Variants in RBPMS observed in about 807,000 individuals in gnomAD.
RBPMS encodes RNA binding protein, mRNA processing factor, also known as RNA-binding protein with multiple splicing.
Under a neutral mutation model 26.8 loss-of-function variants are expected in RBPMS, and 7 were observed. The observed-to-expected ratio is 0.26, with a 90% CI of 0.15 to 0.49. The LOEUF (loss-of-function observed/expected upper bound fraction) is 0.49, where lower values mean the gene tolerates loss of function less well. RBPMS is among the 20% of genes least tolerant of loss of function. RBPMS has a pLI of 0.98. For missense variants in RBPMS, 186 were observed against 250.0 expected (o/e 0.74, Z 1.73); for synonymous variants, 96 against 93.3 (o/e 1.03, Z -0.17).
intron 6 of RBPMS, chr8:30,555,991 A>C: frequency 2.0e-6 from 2 of 985,354 alleles, no homozygotes; most frequent in Non-Finnish European, 2.4e-6. Flanking sequence ...AACCTGGATG[A>C]GCCGCTCAGA....
chr8:30,429,736 A>G (rs1811727979), intron 1 of RBPMS, among the ~76,000 whole-genome samples: 5 of 152,182 alleles, frequency 3.3e-5, no homozygotes, highest in Admixed American at 1.3e-4. Flanking sequence ...CAGCCCAATA[A>G]ATTGTGCTAT....
chr8:30,523,465 A>G (rs1823264562), intron 5 of RBPMS, among the ~76,000 whole-genome samples: 2 of 151,698 alleles, frequency 1.3e-5, no homozygotes, highest in South Asian at 4.2e-4. Context: ...ATGAGATAAT[A>G]TACTTTAAAA....
At chr8:30,419,450 A>ATGTG (rs71278690) in intron 1 of RBPMS, among the ~76,000 whole-genome samples, 1,830 of 143,216 alleles carry the variant, frequency 0.013, 21 homozygotes, top group East Asian at 0.029. Flanking sequence ...CATCTCAAAA[A>ATGTG]TGTGTGTGTG....
intron 5 of RBPMS, among the ~76,000 whole-genome samples, chr8:30,543,787 C>G (rs1825632698): frequency 6.6e-6 from 1 of 152,168 alleles, no homozygotes; most frequent in Admixed American, 6.5e-5. Context: ...TTAGACCAGG[C>G]ACTTGGCAAT....
chr8:30,480,789 A>G (rs1277854722), intron 4 of RBPMS, among the ~76,000 whole-genome samples: 2 of 152,248 alleles, frequency 1.3e-5, no homozygotes, highest in African/African-American at 4.8e-5. Context: ...ATGACACTTT[A>G]AACTTAAAAG....
intron 1 of RBPMS, chr8:30,387,180 AAAGT>A (rs1382337981): frequency 1.3e-5 from 2 of 152,142 alleles, no homozygotes; most frequent in African/African-American, 4.8e-5. Context: ...TGTTATGTAA[AAAGT>A]AAGGGGACAC....
chr8:30,540,221 GAGGGAGC>G (rs1825239242), intron 5 of RBPMS, among the ~76,000 whole-genome samples: 2 of 152,226 alleles, frequency 1.3e-5, no homozygotes, highest in Admixed American at 1.3e-4. Context: ...GCCTCTGGCA[GAGGGAGC>G]AGTGTGTGGG....
chr8:30,542,812 G>A (rs11998504), intron 5 of RBPMS, among the ~76,000 whole-genome samples: 2 of 152,244 alleles, frequency 1.3e-5, no homozygotes, highest in South Asian at 4.1e-4. Context: ...CATCACAACA[G>A]GAAGCACAGG....
chr8:30,544,028 C>T (rs1223346122), intron 5 of RBPMS, among the ~76,000 whole-genome samples: 2 of 152,196 alleles, frequency 1.3e-5, no homozygotes, highest in Non-Finnish European at 2.9e-5. Flanking sequence ...AGTAATTATG[C>T]CAATAAACAG....
intron 5 of RBPMS, among the ~76,000 whole-genome samples, chr8:30,519,132 T>C (rs1237315689): frequency 6.6e-6 from 1 of 152,206 alleles, no homozygotes; most frequent in African/African-American, 2.4e-5. Flanking sequence ...AAACCAGTTT[T>C]TAAAGCCACA....
chr8:30,549,793 T>TCTCTCTCTCTCC (rs1464873852), intron 6 of RBPMS, among the ~76,000 whole-genome samples: 6 of 109,426 alleles, frequency 5.5e-5, no homozygotes, highest in African/African-American at 2.4e-4. Flanking sequence ...TCTCTCTCTC[T>TCTCTCTCTCTCC]CTCCCCTCTC....
At chr8:30,517,967 G>A (rs958322813) in intron 5 of RBPMS, among the ~76,000 whole-genome samples, 16 of 152,146 alleles carry the variant, frequency 1.1e-4, no homozygotes, top group African/African-American at 3.6e-4. Flanking sequence ...TGCAGCTGAA[G>A]AGATGCCCAG....
chr8:30,557,276 A>G (rs115110941), intron 6 of RBPMS, among the ~76,000 whole-genome samples: 130 of 152,322 alleles, frequency 8.5e-4, no homozygotes, highest in African/African-American at 3.0e-3. Context: ...GAGGAGGCCC[A>G]TGGGGAGGAG....
intron 4 of RBPMS, among the ~76,000 whole-genome samples, chr8:30,488,986 C>T (rs1307770251): frequency 1.3e-5 from 2 of 152,108 alleles, no homozygotes; most frequent in African/African-American, 4.8e-5. Flanking sequence ...TGCTGTTGAT[C>T]GTGGCCACCT....
At chr8:30,510,015 C>T (rs1433406262) in intron 5 of RBPMS, among the ~76,000 whole-genome samples, 1 of 152,128 alleles carries the variant, frequency 6.6e-6, no homozygotes, top group East Asian at 1.9e-4. Flanking sequence ...ATTTTGAAAT[C>T]ATTTAACTTA....
intron 5 of RBPMS, among the ~76,000 whole-genome samples, chr8:30,514,022 T>C (rs1373176259): frequency 1.3e-5 from 2 of 152,172 alleles, no homozygotes; most frequent in African/African-American, 4.8e-5. Context: ...TCATGTGTAG[T>C]AGTGGACATA....
At chr8:30,492,740 C>T (rs1585648586) in intron 4 of RBPMS, among the ~76,000 whole-genome samples, 1 of 152,288 alleles carries the variant, frequency 6.6e-6, no homozygotes, top group East Asian at 1.9e-4. Flanking sequence ...ACTATGTAAC[C>T]AAAGGGGTGT....
chr8:30,504,754 T>G (rs1820916610), intron 5 of RBPMS, among the ~76,000 whole-genome samples: 1 of 152,216 alleles, frequency 6.6e-6, no homozygotes, highest in Admixed American at 6.5e-5. Context: ...CATTCCCCCC[T>G]GCTCGGACAC....
At chr8:30,392,649 C>A (rs150788515) in intron 1 of RBPMS, among the ~76,000 whole-genome samples, 2 of 152,272 alleles carry the variant, frequency 1.3e-5, no homozygotes, top group Non-Finnish European at 2.9e-5. Flanking sequence ...AGTGAGGCAG[C>A]AGCCTGGCAG....
Sources: gnomAD v4.1 joint callset for allele counts (sites outside exome capture counted in the v4.1 genomes callset) on GRCh38, gnomAD v4.1.1 for gene constraint, MANE v1.5 for transcripts, NCBI Gene and HGNC (gene_info 2026-07-23, HGNC 2026-07-21) for gene names.